FKBP7: variants seen among roughly 807,000 people sequenced by gnomAD.
FKBP7 encodes the protein peptidyl-prolyl cis-trans isomerase FKBP7.
FKBP7 carries 24 observed loss-of-function variants against 24.3 expected under a neutral mutation model. That is an observed-to-expected ratio of 0.99 (90% CI 0.72 to 1.39). The LOEUF is 1.39. FKBP7 is among the 40% of genes most tolerant of loss of function. The probability of loss-of-function intolerance (pLI) is 0.00; values close to 1 mark genes in which losing one functional copy is unlikely to be tolerated. For missense variants in FKBP7, 257 were observed against 269.5 expected, an observed-to-expected ratio of 0.95 and a Z score of 0.33; for synonymous variants, 98 against 92.8, an observed-to-expected ratio of 1.06 and a Z score of -0.32.
intron 2 of FKBP7, among the ~76,000 whole-genome samples, chr2:178,475,178 T>A (rs886904227): frequency 3.3e-5 from 5 of 152,166 alleles, no homozygotes; most frequent in Non-Finnish European, 7.3e-5. Flanking sequence ...CTTTTACATA[T>A]ACCTTTGTGC....
At chr2:178,473,594 C>G (rs1341398866) in intron 2 of FKBP7, among the ~76,000 whole-genome samples, 1 of 152,178 alleles carries the variant, frequency 6.6e-6, no homozygotes. Flanking sequence ...GCGGTGAACC[C>G]TGGATGAGCA....
At position 178,465,910 on chromosome 2, in the gene FKBP7, C is replaced by A; in HGVS notation, c.529G>T (p.Glu177Ter). 1 of 1,603,310 alleles carries A rather than the reference C, an allele frequency of 6.2e-7. No homozygotes were observed. Among genetic ancestry groups the A allele is most frequent in the South Asian group, 1.1e-5 (1 of 88,130 alleles). The change falls in exon 4 of 4, where the codon GAA becomes TAA. Residue 177 changes from glutamate to a stop codon, truncating the protein, a stop_gained. Coordinates refer to ENST00000424785, the MANE Select transcript of FKBP7 (RefSeq NM_181342.3). LOFTEE classifies it high-confidence loss of function. ...KAEINLYLQR[E>*]FEKDEKPRDK... ...CGTGGCTTCTCATCTTTTTCAAATT[C>A]CCTTTGCAAGTAGAGGTTTATCTGG...
intron 2 of FKBP7, among the ~76,000 whole-genome samples, chr2:178,471,933 A>G (rs1418008361): frequency 6.6e-6 from 1 of 152,218 alleles, no homozygotes; most frequent in Non-Finnish European, 1.5e-5. Flanking sequence ...CTGACTTTAG[A>G]GTAGAAGAGC....
At position 178,470,205 on chromosome 2, in the gene FKBP7, G is replaced by A. The variant is rs747558609; in HGVS notation, c.374-420C>T. ...ATACAAAAAAAGGATAGTTGTGTCTGTAATAAACATGTACAGACTTTTGTC... is the reference window on the plus strand; with the variant it reads ...ATACAAAAAAAGGATAGTTGTGTCTATAATAAACATGTACAGACTTTTGTC... On this transcript the variant is annotated intron_variant, in intron 2 of 3. Coordinates refer to ENST00000424785, the MANE Select transcript of FKBP7 (RefSeq NM_181342.3). Among the ~76,000 whole-genome samples the A allele has an allele frequency of 5.3e-5, 8 of 152,104 alleles. No individual in the cohort carries two copies. In the East Asian group the frequency reaches 1.5e-3, roughly 29 times the overall value.
intron 2 of FKBP7, among the ~76,000 whole-genome samples, chr2:178,474,668 C>T (rs1684952093): frequency 1.3e-5 from 2 of 151,744 alleles, no homozygotes; most frequent in Admixed American, 6.6e-5. Flanking sequence ...CAATATATAT[C>T]CCAAAAGTGG....
In FKBP7 at chr2:178,465,901, T is replaced by C. The variant is rs1684642567; in HGVS notation, c.538A>G (p.Lys180Glu). The C allele has an allele frequency of 1.2e-6, 2 of 1,604,324 alleles. No individual in the cohort carries two copies. The highest frequency in any genetic ancestry group is 4.5e-5 in the East Asian group (2 of 44,638). Residue 180 changes from lysine (K) to glutamate (E), a missense_variant, in exon 4 of 4, where the codon AAA becomes GAA. Coordinates refer to ENST00000424785, the MANE Select transcript of FKBP7 (RefSeq NM_181342.3). ...GACTTGTCACGTGGCTTCTCATCTT[T>C]TTCAAATTCCCTTTGCAAGTAGAGG... is the stretch of plus-strand genomic sequence containing the variant. ...INLYLQREFE[K>E]DEKPRDKSYQ... is the part of the protein sequence containing the mutation.
intron 2 of FKBP7, among the ~76,000 whole-genome samples, chr2:178,472,558 T>G (rs1684877813): frequency 6.6e-6 from 1 of 150,868 alleles, no homozygotes; most frequent in African/African-American, 2.4e-5. Flanking sequence ...CACTGTAACC[T>G]CTGCCTCCCA....
chr2:178,475,116 G>A (rs561200552), intron 2 of FKBP7, among the ~76,000 whole-genome samples: 11 of 152,236 alleles, frequency 7.2e-5, no homozygotes, highest in Non-Finnish European at 1.6e-4. Context: ...ATAGGCAGGT[G>A]GTTTCCAACC....
intron 3 of FKBP7, among the ~76,000 whole-genome samples, chr2:178,469,098 T>C (rs940221066): frequency 3.9e-5 from 6 of 152,144 alleles, no homozygotes; most frequent in Non-Finnish European, 7.3e-5. Flanking sequence ...CTTGAACTCC[T>C]GGGCTCAAGC....
chr2:178,477,857 T>C (rs10173900), intron 1 of FKBP7, among the ~76,000 whole-genome samples: 1,989 of 152,258 alleles, frequency 0.013, 33 homozygotes, highest in African/African-American at 0.045. Context: ...TTTTTCTTGA[T>C]AGAAAGTGGC....
intron 3 of FKBP7, among the ~76,000 whole-genome samples, chr2:178,468,659 A>G (rs1200230347): frequency 6.6e-6 from 1 of 152,230 alleles, no homozygotes; most frequent in East Asian, 1.9e-4. Flanking sequence ...AAGAACAGTC[A>G]TGAAGCCAGA....
chr2:178,473,868 T>A (rs1298825943), intron 2 of FKBP7, among the ~76,000 whole-genome samples: 1 of 152,174 alleles, frequency 6.6e-6, no homozygotes, highest in African/African-American at 2.4e-5. Context: ...CCTATACAAA[T>A]AAAAACAGGA....
chr2:178,474,278 A>C lies in FKBP7; in HGVS notation c.373+2784T>G, dbSNP rs996357784. Among the ~76,000 whole-genome samples the C allele has an allele frequency of 6.6e-5, 10 of 152,190 alleles. No homozygotes were observed. In the South Asian group the frequency reaches 2.1e-3, roughly 32 times the overall value. On this transcript the variant is annotated intron_variant, in intron 2 of 3. Coordinates refer to ENST00000424785, the MANE Select transcript of FKBP7 (RefSeq NM_181342.3). ...AGCAGCAACACGGAGCAAGAACCTA[A>C]CTAAGGATGCAAGGTACAGCCTATC... is the stretch of plus-strand genomic sequence containing the variant.
At chr2:178,471,845 A>C (rs1254918645) in intron 2 of FKBP7, among the ~76,000 whole-genome samples, 1 of 152,136 alleles carries the variant, frequency 6.6e-6, no homozygotes, top group East Asian at 1.9e-4. Context: ...AGTAGTTTTC[A>C]AAGAGAAAAC....
chr2:178,477,093 G>C lies in FKBP7; in HGVS notation c.342C>G (p.Pro114=). Reference sequence around the variant, plus strand: ...CTTCCTTTCCGTATGCAAATGAAGGGGGTATAACTACTTTTCGCTTTTCTC... The same window carrying C: ...CTTCCTTTCCGTATGCAAATGAAGGCGGTATAACTACTTTTCGCTTTTCTC... ...CPGEKRKVVI[P]PSFAYGKEGY... The change falls in exon 2 of 4, where the codon CCC becomes CCG. Residue 114 remains proline, a synonymous_variant. Transcript: ENST00000424785. 6.2e-7 allele frequency: 1 copy of C among 1,610,300 alleles called. No homozygotes were observed. Among genetic ancestry groups the C allele is most frequent in the Non-Finnish European group, 8.5e-7 (1 of 1,178,572 alleles).
intron 2 of FKBP7, chr2:178,472,904 T>G (rs1439470275): frequency 3.3e-6 from 1 of 302,020 alleles, no homozygotes; most frequent in East Asian, 1.0e-4. Context: ...TTTTCTTGTT[T>G]TTTTTTTTTT....
intron 3 of FKBP7, among the ~76,000 whole-genome samples, chr2:178,468,900 T>G (rs1384006593): frequency 1.3e-5 from 2 of 151,086 alleles, no homozygotes; most frequent in African/African-American, 4.9e-5. Context: ...AAGGTCTCAG[T>G]CTATCTTCCA....
intron 2 of FKBP7, among the ~76,000 whole-genome samples, chr2:178,470,984 T>C (rs972343301): frequency 6.6e-6 from 1 of 152,002 alleles, no homozygotes; most frequent in East Asian, 1.9e-4. Flanking sequence ...TTCAAGCCAT[T>C]CTCCTACCTC....
intron 2 of FKBP7, among the ~76,000 whole-genome samples, chr2:178,470,887 AT>A (rs979737439): frequency 1.3e-5 from 2 of 151,828 alleles, no homozygotes; most frequent in South Asian, 2.1e-4. Flanking sequence ...ATTTTTATTT[AT>A]TTTTTTTGAG....
Sources: allele counts gnomAD v4.1 joint callset (sites outside exome capture counted in the v4.1 genomes callset), GRCh38; gene constraint gnomAD v4.1.1; transcripts MANE v1.5; gene names NCBI Gene and HGNC (gene_info 2026-07-23, HGNC 2026-07-21).